The following YBX1 variants were observed in gnomAD, a reference collection of about 807,000 sequenced individuals.
YBX1 encodes Y-box binding protein 1, also known as Y-box-binding protein 1.
YBX1 carries 3 observed loss-of-function variants against 41.4 expected under a neutral mutation model. The observed-to-expected ratio is 0.07, with a 90% CI of 0.03 to 0.19. The LOEUF (loss-of-function observed/expected upper bound fraction) is 0.19, where lower values mean the gene tolerates loss of function less well. YBX1 is among the 10% of genes least tolerant of loss of function. The pLI, the probability that YBX1 is intolerant of heterozygous loss-of-function variation, is 1.00. For missense variants in YBX1, 274 were observed against 462.8 expected (o/e 0.59, Z 3.74); for synonymous variants, 133 against 165.8 (o/e 0.80, Z 1.52).
chr1:42,684,847 T>C (rs545962342), intron 2 of YBX1, among the ~76,000 whole-genome samples: 4 of 152,254 alleles, frequency 2.6e-5, no homozygotes, highest in Non-Finnish European at 5.9e-5. Flanking sequence ...TCTGTCTTAC[T>C]CTGATTATCG....
In YBX1 at chr1:42,696,877, A is replaced by G. The variant is rs776594735; in HGVS notation, c.590A>G (p.Tyr197Cys). The G allele has an allele frequency of 8.8e-5, 141 of 1,598,178 alleles. No individual in the cohort carries two copies. The highest frequency in any genetic ancestry group is 1.1e-4 in the Non-Finnish European group (130 of 1,171,356). Residue 197 changes from tyrosine to cysteine, a missense_variant, in exon 5 of 8, where the codon TAC becomes TGC. Transcript: ENST00000321358. This position sits in a 1 kb window ranked among gnomAD's most constrained non-coding sequence, Gnocchi z 5.7. ...PYRRRRFPPY[Y>C]MRRPYGRRPQ... The stretch of plus-strand genomic sequence containing the variant: ...CGCAGGCGAAGGTTCCCACCTTACT[A>G]CATGCGGAGACCCTATGGGCGTCGA...
At chr1:42,693,846 T>A (rs1650397757) in intron 3 of YBX1, among the ~76,000 whole-genome samples, 1 of 152,204 alleles carries the variant, frequency 6.6e-6, no homozygotes, top group African/African-American at 2.4e-5. Context: ...CAAATAATGT[T>A]GCTATAAATA....
intron 5 of YBX1, 112 bp from the exon 6 acceptor site, chr1:42,697,068 C>A: frequency 6.8e-7 from 1 of 1,460,062 alleles, no homozygotes; most frequent in Non-Finnish European, 9.2e-7. Flanking sequence ...ATAATGTAGT[C>A]ACAATTACTA....
chr1:42,689,398 C>G lies in YBX1; in HGVS notation c.231-4092C>G, dbSNP rs570758081. On this transcript the variant is annotated intron_variant, in intron 2 of 7. Transcript: ENST00000321358. The stretch of plus-strand genomic sequence containing the variant: ...CCACAGGATTGTAAATTAGTGTATG[C>G]AGTTACGTGAATTAAGGTGTTAGAC... 4.1e-4 allele frequency among the ~76,000 whole-genome samples: 63 copies of G among 152,160 alleles called. No individual in the cohort carries two copies. In the South Asian group the frequency reaches 4.1e-3, roughly 10 times the overall value.
intron 5 of YBX1, 105 bp downstream of exon 5, chr1:42,697,049 G>A (rs932672690): frequency 3.1e-5 from 45 of 1,452,974 alleles, no homozygotes; most frequent in Non-Finnish European, 4.0e-5. Flanking sequence ...GAACCAAAAG[G>A]ATTAATTTAT....
intron 2 of YBX1, among the ~76,000 whole-genome samples, chr1:42,686,938 C>G (rs1349906745): frequency 1.3e-5 from 2 of 152,148 alleles, no homozygotes; most frequent in Non-Finnish European, 2.9e-5. Flanking sequence ...AGACCCTAGC[C>G]ATTTTCAATT....
intron 6 of YBX1, among the ~76,000 whole-genome samples, chr1:42,698,055 A>C (rs555200863): frequency 6.6e-6 from 1 of 152,348 alleles, no homozygotes; most frequent in African/African-American, 2.4e-5. Flanking sequence ...CTGATCACTT[A>C]AATCGCAACT....
chr1:42,699,504 A>ATTTATCCAGATCTGG (rs892898686), intron 6 of YBX1, among the ~76,000 whole-genome samples: 1 of 151,318 alleles, frequency 6.6e-6, no homozygotes, highest in Non-Finnish European at 1.5e-5. Context: ...ATCTGGTTTG[A>ATTTATCCAGATCTGG]TTTATCCAGA....
At chr1:42,691,896 C>CT (rs1650348459) in intron 2 of YBX1, among the ~76,000 whole-genome samples, 1 of 152,020 alleles carries the variant, frequency 6.6e-6, no homozygotes, top group Non-Finnish European at 1.5e-5. Flanking sequence ...GAATCTCACT[C>CT]TGTTGCCCAG....
Position 42,696,365 on chromosome 1 carries a change from T to A in YBX1, c.354+77T>A. On this transcript the variant is annotated intron_variant, in intron 4 of 7. Coordinates refer to ENST00000321358, the MANE Select transcript of YBX1 (RefSeq NM_004559.5). The surrounding 1 kb of genome is among the most constrained non-coding windows in gnomAD (Gnocchi z 5.7). ...AGGTCTCATCCATTAGGATGGTGGC[T>A]CTAATGTGGATGGATGTGTTCAGGT... The A allele has an allele frequency of 6.9e-7, 1 of 1,458,448 alleles. No homozygotes were observed. Among genetic ancestry groups the A allele is most frequent in the Non-Finnish European group, 9.5e-7 (1 of 1,053,818 alleles). The allele number at this position is 1,458,448 out of a possible 1,614,324, so 90.3% of individuals were successfully genotyped here. A position where few individuals can be genotyped will look rare whatever the true frequency, so the allele number is the denominator to read the frequency against.
chr1:42,684,195 G>GT (rs1261030704), intron 2 of YBX1, among the ~76,000 whole-genome samples: 2 of 152,168 alleles, frequency 1.3e-5, no homozygotes, highest in South Asian at 4.1e-4. Flanking sequence ...TTTTCTTCCT[G>GT]TTTGAAGGCA....
In YBX1 at chr1:42,691,712, C is replaced by T. The variant is rs550932182; in HGVS notation, c.231-1778C>T. Among the ~76,000 whole-genome samples the T allele has an allele frequency of 7.2e-5, 11 of 152,170 alleles. No individual in the cohort carries two copies. The South Asian group carries it at 1.0e-3, about 14-fold the overall frequency. ...AGCTGCATTTTTAGTGAATTTAATG[C>T]GTATTAAAACAGTACAGAAATACAT... On this transcript the variant is annotated intron_variant, in intron 2 of 7. Coordinates refer to ENST00000321358, the MANE Select transcript of YBX1 (RefSeq NM_004559.5).
chr1:42,688,834 C>T (rs1650262172), intron 2 of YBX1, among the ~76,000 whole-genome samples: 2 of 152,188 alleles, frequency 1.3e-5, no homozygotes, highest in South Asian at 4.1e-4. Flanking sequence ...TCGATAAGTG[C>T]AGTACTGTAC....
intron 2 of YBX1, 44 bp downstream of exon 2, chr1:42,683,510 G>A: frequency 6.2e-7 from 1 of 1,610,452 alleles, no homozygotes; most frequent in Non-Finnish European, 8.5e-7. Context: ...CTTCTTGCTT[G>A]CTTCCTGCTC....
At position 42,702,523 on chromosome 1, in the gene YBX1, A is replaced by C. The variant is rs529806896; in HGVS notation, c.*574A>C. Reference sequence around the variant, plus strand: ...GGCATGCCTGTGGGCCCATACTAAAAATTAGAAAATACATACTCTGATAAC... The same window carrying C: ...GGCATGCCTGTGGGCCCATACTAAACATTAGAAAATACATACTCTGATAAC... On this transcript the variant is annotated 3_prime_UTR_variant, in exon 8 of 8. Transcript: ENST00000321358. Among the ~76,000 whole-genome samples, 5 of 152,340 alleles carry C rather than the reference A, an allele frequency of 3.3e-5. No individual in the cohort carries two copies. The South Asian group carries it at 1.0e-3, about 32-fold the overall frequency.
At chr1:42,683,352 GA>G (rs761302842) in intron 1 of YBX1, 50 bp from the exon 2 acceptor site, 1 of 1,612,746 alleles carries the variant, frequency 6.2e-7, no homozygotes, top group East Asian at 2.2e-5. Context: ...GGCGGATTTG[GA>G]AAAGGATAGC....
rs1323891715 is a variant in YBX1, at chr1:42,700,823, A to G, written c.783A>G (p.Glu261=). ...GACAGCCTAGAGAGGACGGCAATGA[A>G]GAAGATAAAGAAAATCAAGGAGATG... The part of the protein sequence containing the change: ...RQRQPREDGN[E]EDKENQGDET... The change falls in exon 7 of 8, where the codon GAA becomes GAG. Residue 261 remains glutamate, a synonymous_variant. Transcript: ENST00000321358. 1.2e-6 allele frequency: 2 copies of G among 1,612,548 alleles called. No homozygotes were observed. Among genetic ancestry groups the G allele is most frequent in the South Asian group, 1.1e-5 (1 of 90,996 alleles).
chr1:42,693,577 A>T, intron 3 of YBX1, 54 bp downstream of exon 3: 1 of 1,589,652 alleles, frequency 6.3e-7, no homozygotes, highest in South Asian at 1.1e-5. Flanking sequence ...TAAGAAGAAA[A>T]GGTTAGATAT....
intron 2 of YBX1, 59 bp downstream of exon 2, chr1:42,683,525 G>A (rs565962552): frequency 1.8e-4 from 281 of 1,596,984 alleles, no homozygotes; most frequent in Non-Finnish European, 2.0e-4. Context: ...CTGCTCTGTC[G>A]GCTTCTCGGG....
Sources: allele counts gnomAD v4.1 joint callset (sites outside exome capture counted in the v4.1 genomes callset), GRCh38; gene constraint gnomAD v4.1.1; non-coding constraint Gnocchi (gnomAD v3.1); transcripts MANE v1.5; gene names NCBI Gene and HGNC (gene_info 2026-07-23, HGNC 2026-07-21).